The following FGF12 variants were observed in gnomAD, a reference collection of about 807,000 sequenced individuals.
FGF12 encodes the protein fibroblast growth factor 12B.
A neutral mutation model predicts 23.6 loss-of-function variants in FGF12; 14 were observed. The observed-to-expected ratio is 0.59, with a 90% CI of 0.39 to 0.93. The LOEUF (loss-of-function observed/expected upper bound fraction) is 0.93, where lower values mean the gene tolerates loss of function less well. Among genes scored for constraint, FGF12 ranks in the 40% least tolerant of loss-of-function variants. The pLI is 0.00. For missense variants in FGF12, 175 were observed against 217.8 expected (o/e 0.80, Z 1.24); for synonymous variants, 62 against 77.3 (o/e 0.80, Z 1.04).
At chr3:192,159,678 T>G (rs1268953612) in intron 5 of FGF12, among the ~76,000 whole-genome samples, 1 of 152,186 alleles carries the variant, frequency 6.6e-6, no homozygotes, top group East Asian at 1.9e-4. Context: ...CCTAGGGCAG[T>G]GGTTGTCAAG....
At chr3:192,165,715 A>T (rs1715127296) in intron 5 of FGF12, among the ~76,000 whole-genome samples, 1 of 152,198 alleles carries the variant, frequency 6.6e-6, no homozygotes. Flanking sequence ...CTAGTTTACT[A>T]TTCAAATTGC....
intron 2 of FGF12, among the ~76,000 whole-genome samples, chr3:192,691,591 A>G (rs1057145810): frequency 1.3e-5 from 2 of 151,982 alleles, no homozygotes; most frequent in African/African-American, 2.4e-5. Context: ...AAGAAGAAAG[A>G]CCTTAAATAA....
chr3:192,490,923 G>A (rs1305490384), intron 2 of FGF12, among the ~76,000 whole-genome samples: 2 of 152,082 alleles, frequency 1.3e-5, no homozygotes, highest in Non-Finnish European at 2.9e-5. Flanking sequence ...CCAGGATGCT[G>A]GGAATGTTCT....
At chr3:192,638,212 C>T (rs1031628875) in intron 2 of FGF12, among the ~76,000 whole-genome samples, 5 of 152,156 alleles carry the variant, frequency 3.3e-5, no homozygotes, top group Non-Finnish European at 5.9e-5. Flanking sequence ...TGCTGACCAA[C>T]ATAAAAGGTC....
At chr3:192,292,091 T>G (rs1470371810) in intron 4 of FGF12, among the ~76,000 whole-genome samples, 1 of 152,154 alleles carries the variant, frequency 6.6e-6, no homozygotes, top group Admixed American at 6.6e-5. Context: ...ACACCAAATT[T>G]TGATTACACT....
chr3:192,254,563 T>A (rs1377595961), intron 4 of FGF12, among the ~76,000 whole-genome samples: 2 of 152,056 alleles, frequency 1.3e-5, no homozygotes, highest in African/African-American at 2.4e-5. Context: ...AGAGGCTATG[T>A]AGGAAAATGT....
intron 2 of FGF12, among the ~76,000 whole-genome samples, chr3:192,391,496 G>A (rs555353661): frequency 6.6e-6 from 1 of 152,302 alleles, no homozygotes; most frequent in South Asian, 2.1e-4. Flanking sequence ...ATATTACTGT[G>A]CAGAGGGATA....
At chr3:192,311,927 G>GTCTATCTATCTCTCTA (rs1715961527) in intron 4 of FGF12, among the ~76,000 whole-genome samples, 1 of 145,364 alleles carries the variant, frequency 6.9e-6, no homozygotes, top group African/African-American at 2.6e-5. Flanking sequence ...TTGACTGTCT[G>GTCTATCTATCTCTCTA]TCTATCTATC....
At chr3:192,682,549 T>C (rs959632167) in intron 2 of FGF12, among the ~76,000 whole-genome samples, 1 of 152,210 alleles carries the variant, frequency 6.6e-6, no homozygotes, top group Non-Finnish European at 1.5e-5. Context: ...GAGGTCCCAA[T>C]AGATAACTTA....
At chr3:192,371,646 A>G (rs1226271255) in intron 2 of FGF12, among the ~76,000 whole-genome samples, 1 of 152,252 alleles carries the variant, frequency 6.6e-6, no homozygotes, top group African/African-American at 2.4e-5. Flanking sequence ...ATTCACAGAA[A>G]GGAAATGCCA....
chr3:192,257,984 A>G (rs930766094), intron 4 of FGF12, among the ~76,000 whole-genome samples: 11 of 151,578 alleles, frequency 7.3e-5, no homozygotes, highest in African/African-American at 2.7e-4. Context: ...ATTCAGAACC[A>G]GTGAAGCTTG....
At position 192,677,411 on chromosome 3, in the gene FGF12, G is replaced by A. The variant is rs533285349; in HGVS notation, c.13+49770C>T. 1.8e-4 allele frequency among the ~76,000 whole-genome samples: 27 copies of A among 152,300 alleles called. No homozygotes were observed. The South Asian group carries it at 3.9e-3, about 22-fold the overall frequency. On this transcript the variant is annotated intron_variant, in intron 2 of 5. Transcript: ENST00000445105. ...TGTCAGGCAAACTTGAGGACATACCGTGATGCTGTCAGAGTTCTGGCCCAG... is the reference window on the plus strand; with the variant it reads ...TGTCAGGCAAACTTGAGGACATACCATGATGCTGTCAGAGTTCTGGCCCAG...
intron 2 of FGF12, among the ~76,000 whole-genome samples, chr3:192,482,542 G>A (rs1237701450): frequency 6.6e-6 from 1 of 152,150 alleles, no homozygotes; most frequent in Non-Finnish European, 1.5e-5. Flanking sequence ...GCTGAGGCAT[G>A]AGAATGACTT....
At chr3:192,270,118 C>G (rs952114356) in intron 4 of FGF12, among the ~76,000 whole-genome samples, 1 of 151,998 alleles carries the variant, frequency 6.6e-6, no homozygotes, top group South Asian at 2.1e-4. Context: ...AGCGGTTTTT[C>G]AGTAGAAATC....
intron 3 of FGF12, among the ~76,000 whole-genome samples, chr3:192,358,421 G>A (rs1335088584): frequency 1.3e-5 from 2 of 150,802 alleles, no homozygotes; most frequent in Admixed American, 6.6e-5. Context: ...GTTTAAATTT[G>A]GGAGTTCAGA....
chr3:192,208,519 G>A (rs899584709), intron 4 of FGF12, among the ~76,000 whole-genome samples: 2 of 152,206 alleles, frequency 1.3e-5, no homozygotes, highest in Admixed American at 1.3e-4. Flanking sequence ...AGAACATGTT[G>A]TAATTTGGAT....
intron 2 of FGF12, among the ~76,000 whole-genome samples, chr3:192,391,262 G>A (rs946055933): frequency 6.6e-6 from 1 of 152,170 alleles, no homozygotes; most frequent in Non-Finnish European, 1.5e-5. Context: ...ATGCCTTTGA[G>A]CATATAGTTT....
At chr3:192,316,177 T>C (rs1331397429) in intron 4 of FGF12, among the ~76,000 whole-genome samples, 8 of 152,088 alleles carry the variant, frequency 5.3e-5, no homozygotes, top group Admixed American at 5.2e-4. Flanking sequence ...TAAAAAATAA[T>C]AATAGATCAT....
intron 5 of FGF12, among the ~76,000 whole-genome samples, chr3:192,154,954 G>A (rs777241236): frequency 7.5e-6 from 1 of 133,468 alleles, no homozygotes; most frequent in African/African-American, 2.7e-5. Context: ...TGCTGTGCTA[G>A]CAATCAGCGA....
Sources: gnomAD v4.1 joint callset for allele counts (sites outside exome capture counted in the v4.1 genomes callset) on GRCh38, gnomAD v4.1.1 for gene constraint, MANE v1.5 for transcripts, NCBI Gene and HGNC (gene_info 2026-07-23, HGNC 2026-07-21) for gene names.